The following PNISR variants were observed in gnomAD, a reference collection of about 807,000 sequenced individuals.
The protein encoded by PNISR is arginine/serine-rich protein PNISR.
In PNISR, 20 loss-of-function variants were observed where a neutral mutation model predicts 93.4. The observed-to-expected ratio is 0.21, with a 90% CI of 0.15 to 0.31. The LOEUF is 0.31. PNISR is among the 10% of genes least tolerant of loss of function. The pLI, the probability that PNISR is intolerant of heterozygous loss-of-function variation, is 1.00. For synonymous variants in PNISR, 305 were observed against 306.5 expected (o/e 0.99, Z 0.05); for missense variants, 893 against 985.4 (o/e 0.91, Z 1.25).
At chr6:99,406,518 T>C (rs1356457717) in intron 7 of PNISR, among the ~76,000 whole-genome samples, 7 of 152,272 alleles carry the variant, frequency 4.6e-5, no homozygotes, top group East Asian at 3.9e-4. Context: ...GAGACACTTA[T>C]AGAACTTTGG....
rs376217397 is a variant in PNISR at position 99,401,118 on chromosome 6, G to C, written c.1840C>G (p.Arg614Gly). 50 of 1,613,590 alleles carry C rather than the reference G, an allele frequency of 3.1e-5. No individual in the cohort carries two copies. The highest frequency in any genetic ancestry group is 3.9e-5 in the Non-Finnish European group (46 of 1,179,988). The change falls in exon 12 of 12, where the codon CGA (arginine) becomes GGA (glycine). Residue 614 changes from arginine (R) to glycine (G), a missense_variant. Coordinates refer to ENST00000369239, the MANE Select transcript of PNISR (RefSeq NM_032870.4). ...RERRRNRSPS[R>G]ERRRSRSRSR... is the part of the protein sequence containing the mutation. ...CGACTTCTACTTCTACGTCTCTCTC[G>C]GGAAGGACTCCGATTTCGTCGTCTT...
intron 2 of PNISR, chr6:99,415,023 T>C (rs965028052): frequency 2.6e-5 from 4 of 155,142 alleles, no homozygotes; most frequent in Non-Finnish European, 5.7e-5. Context: ...TTCTCCCCAA[T>C]CAAGATTCCT....
intron 5 of PNISR, 192 bp from the exon 6 acceptor site, chr6:99,409,536 T>C (rs569132536): frequency 1.1e-5 from 5 of 475,702 alleles, no homozygotes; most frequent in South Asian, 8.1e-5. Context: ...TTTCCGGCTA[T>C]GTAAATGCAA....
intron 1 of PNISR, among the ~76,000 whole-genome samples, chr6:99,421,872 A>G (rs1351619009): frequency 1.3e-5 from 2 of 152,134 alleles, no homozygotes; most frequent in African/African-American, 4.8e-5. Flanking sequence ...AATGACAATC[A>G]TTTATTTATT....
At position 99,416,326 on chromosome 6, in the gene PNISR, C is replaced by A. The variant is rs778818467; in HGVS notation, c.-32+23G>T. On this transcript the variant is annotated intron_variant, in intron 2 of 11. Coordinates refer to ENST00000369239, the MANE Select transcript of PNISR (RefSeq NM_032870.4). The stretch of plus-strand genomic sequence containing the variant: ...ATAAATAGGAAACACCAAGAAGACA[C>A]ACCAACTGCTATTTAAACTGACCTC... 6.0e-5 allele frequency: 47 copies of A among 787,552 alleles called. No homozygotes were observed. In the African/African-American group the frequency reaches 7.9e-4, roughly 13 times the overall value. 48.8% of individuals were successfully genotyped at this position (787,552 alleles called of 1,614,324 possible).
intron 4 of PNISR, among the ~76,000 whole-genome samples, chr6:99,411,282 A>G (rs562942127): frequency 7.2e-5 from 11 of 152,334 alleles, no homozygotes; most frequent in African/African-American, 2.6e-4. Flanking sequence ...CCACAAAAAT[A>G]ATACCTTGAG....
chr6:99,416,525 T>C (rs1179354405), intron 1 of PNISR, 97 bp from the exon 2 acceptor site: 4 of 414,480 alleles, frequency 9.7e-6, no homozygotes, highest in Admixed American at 4.4e-5. Context: ...ATCTCCAAGT[T>C]AGTCACTTTT....
rs1214418512 is a variant in PNISR at position 99,416,130 on chromosome 6, A to C, written c.-32+219T>G. The C allele has an allele frequency of 1.2e-5, 4 of 335,348 alleles. No individual in the cohort carries two copies. In the Admixed American group the frequency reaches 1.4e-4, roughly 12 times the overall value. 20.8% of individuals were successfully genotyped at this position (335,348 alleles called of 1,614,324 possible). A position where few individuals can be genotyped will look rare whatever the true frequency, so the allele number is the denominator to read the frequency against. On this transcript the variant is annotated intron_variant, in intron 2 of 11. Transcript: ENST00000369239. ...GAGGCCAACAACTGGTTTGGGTATCAGTTCCAAGTTAAATATATTTTTTTC... is the reference window on the plus strand; with the variant it reads ...GAGGCCAACAACTGGTTTGGGTATCCGTTCCAAGTTAAATATATTTTTTTC...
chr6:99,407,403 A>T (rs75217222), intron 7 of PNISR, among the ~76,000 whole-genome samples: 5,086 of 152,142 alleles, frequency 0.033, 274 homozygotes, highest in African/African-American at 0.11. Context: ...TTGTTATTTA[A>T]CATCTAGAAT....
At chr6:99,414,939 ACT>A (rs985136284) in intron 2 of PNISR, 12 of 216,068 alleles carry the variant, frequency 5.6e-5, no homozygotes, top group East Asian at 2.0e-4. Context: ...TTTAAAAAAA[ACT>A]CTATTTTTTG....
chr6:99,409,619 C>G (rs1776632413), intron 5 of PNISR: 1 of 288,674 alleles, frequency 3.5e-6, no homozygotes. Flanking sequence ...AATCCATTTA[C>G]AAGCTAATCC....
In PNISR at chr6:99,400,811, TCTC is replaced by T. The variant is rs1177271278; in HGVS notation, c.2144_2146del (p.Arg715_Glu716delinsGln). The T allele has an allele frequency of 1.9e-6, 3 of 1,612,208 alleles. No homozygotes were observed. The highest frequency in any genetic ancestry group is 2.5e-6 in the Non-Finnish European group (3 of 1,178,946). ...ACTCCTAGAAAATGTTCTTTCACTT[TCTC>T]GTTTCCTTTTTAATCTATCATCCTG... On this transcript the variant is annotated inframe_deletion, in exon 12 of 12. Coordinates refer to ENST00000369239, the MANE Select transcript of PNISR (RefSeq NM_032870.4).
intron 8 of PNISR, among the ~76,000 whole-genome samples, chr6:99,405,540 A>C (rs1776050685): frequency 6.6e-6 from 1 of 152,170 alleles, no homozygotes; most frequent in Non-Finnish European, 1.5e-5. Context: ...TCTGTATAGT[A>C]GACACACTGA....
chr6:99,401,779 AACC>A (rs1775532862), intron 11 of PNISR, 149 bp from the exon 12 acceptor site: 2 of 503,792 alleles, frequency 4.0e-6, no homozygotes, highest in Non-Finnish European at 6.4e-6. Flanking sequence ...ATTTTTTAGT[AACC>A]ACATTAAAAA....
At position 99,400,754 on chromosome 6, in the gene PNISR, T is replaced by G. The variant is rs1450297325; in HGVS notation, c.2204A>C (p.Asp735Ala). 3 of 1,610,408 alleles carry G rather than the reference T, an allele frequency of 1.9e-6. No homozygotes were observed. In the African/African-American group the frequency reaches 4.0e-5, roughly 22 times the overall value. ...GSISVKIIRHDSRQDSKKSTT... is the reference protein window; with the variant it reads ...GSISVKIIRHASRQDSKKSTT... ...ACTTTTCTTACTATCCTGTCTAGAA[T>G]CATGTCTTATGATTTTAACAGATAT... The change falls in exon 12 of 12, where the codon GAT (aspartate) becomes GCT (alanine). Residue 735 changes from aspartate (D) to alanine (A), a missense_variant. Physicochemically the swap from Asp to Ala is moderately radical, Grantham distance 126. This residue lies in a region of PNISR where 866 missense variants were observed against 935.1 expected (regional missense o/e 0.93). Transcript: ENST00000369239.
intron 1 of PNISR, among the ~76,000 whole-genome samples, chr6:99,417,691 C>T (rs1169881506): frequency 6.6e-6 from 1 of 152,086 alleles, no homozygotes; most frequent in Non-Finnish European, 1.5e-5. Flanking sequence ...ATCGGCCGAG[C>T]GCGGTAGCTC....
chr6:99,405,806 C>T (rs890187755), intron 8 of PNISR, among the ~76,000 whole-genome samples: 1 of 152,106 alleles, frequency 6.6e-6, no homozygotes, highest in Non-Finnish European at 1.5e-5. Flanking sequence ...ATCCTCCTGC[C>T]TTGGTCCCCT....
chr6:99,410,362 T>C (rs1265339300), intron 5 of PNISR: 3 of 175,622 alleles, frequency 1.7e-5, no homozygotes, highest in Non-Finnish European at 3.6e-5. Flanking sequence ...CTTAGGAAAA[T>C]GATCTATATT....
In PNISR at chr6:99,398,529, G is replaced by A. The variant is rs946835241; in HGVS notation, c.*2011C>T. 6.6e-6 allele frequency: 1 copy of A among 151,968 alleles called. No individual in the cohort carries two copies. Among genetic ancestry groups the A allele is most frequent in the Non-Finnish European group, 1.5e-5 (1 of 67,934 alleles). The allele number at this position is 151,968 out of a possible 1,614,324, so 9.4% of individuals were successfully genotyped here. A position where few individuals can be genotyped will look rare whatever the true frequency, so the allele number is the denominator to read the frequency against. On this transcript the variant is annotated 3_prime_UTR_variant, in exon 12 of 12. Transcript: ENST00000369239. Reference sequence around the variant, plus strand: ...ACTAATAATCACAAATATCATGACGGCTTTTAAAAAAACTACAGACTTAAC... The same window carrying A: ...ACTAATAATCACAAATATCATGACGACTTTTAAAAAAACTACAGACTTAAC...
Sources: allele counts gnomAD v4.1 joint callset (sites outside exome capture counted in the v4.1 genomes callset), GRCh38; gene constraint gnomAD v4.1.1; regional missense constraint gnomAD v4.1.1; transcripts MANE v1.5; gene names NCBI Gene and HGNC (gene_info 2026-07-23, HGNC 2026-07-21).